The following ZCCHC7 variants were observed in gnomAD, a reference collection of about 807,000 sequenced individuals.
ZCCHC7 encodes the protein zinc finger CCHC-type containing 7.
A neutral mutation model predicts 52.0 loss-of-function variants in ZCCHC7; 35 were observed. That is an observed-to-expected ratio of 0.67 (90% CI 0.51 to 0.89). ZCCHC7 has a LOEUF of 0.89. Among genes scored for constraint, ZCCHC7 ranks in the 40% least tolerant of loss-of-function variants. The pLI, the probability that ZCCHC7 is intolerant of heterozygous loss-of-function variation, is 0.00. For synonymous variants in ZCCHC7, 217 were observed against 221.5 expected, an observed-to-expected ratio of 0.98 and a Z score of 0.18; for missense variants, 574 against 649.1, an observed-to-expected ratio of 0.88 and a Z score of 1.26.
intron 2 of ZCCHC7, among the ~76,000 whole-genome samples, chr9:37,293,339 G>T (rs1828625263): frequency 6.6e-6 from 1 of 152,136 alleles, no homozygotes; most frequent in Non-Finnish European, 1.5e-5. Context: ...AAGGAGTCAG[G>T]AAGTAGACAA....
chr9:37,151,110 G>C (rs554513041), intron 2 of ZCCHC7, among the ~76,000 whole-genome samples: 2 of 151,738 alleles, frequency 1.3e-5, no homozygotes, highest in African/African-American at 4.8e-5. Context: ...GACTACAGGC[G>C]CCTGCCACCA....
chr9:37,350,841 A>T (rs968669729), intron 7 of ZCCHC7, among the ~76,000 whole-genome samples: 2 of 152,364 alleles, frequency 1.3e-5, no homozygotes, highest in Non-Finnish European at 2.9e-5. Context: ...GAAAATTCTT[A>T]AAAAAGAATG....
chr9:37,170,437 G>A (rs1821668420), intron 2 of ZCCHC7, among the ~76,000 whole-genome samples: 1 of 152,186 alleles, frequency 6.6e-6, no homozygotes, highest in Non-Finnish European at 1.5e-5. Flanking sequence ...TTGAAACAGA[G>A]TGTTGAGGAG....
chr9:37,211,973 G>C (rs1188136252), intron 2 of ZCCHC7, among the ~76,000 whole-genome samples: 1 of 134,182 alleles, frequency 7.5e-6, no homozygotes, highest in African/African-American at 2.7e-5. Context: ...CTTGCAGTGA[G>C]CCGAGATGGC....
intron 7 of ZCCHC7, among the ~76,000 whole-genome samples, chr9:37,351,079 G>A (rs1821348319): frequency 6.7e-6 from 1 of 150,228 alleles, no homozygotes; most frequent in Non-Finnish European, 1.5e-5. Flanking sequence ...ACATTGTAGG[G>A]CAACGAAGAA....
At chr9:37,308,353 T>G (rs2133734179) in intron 5 of ZCCHC7, among the ~76,000 whole-genome samples, 1 of 152,266 alleles carries the variant, frequency 6.6e-6, no homozygotes, top group South Asian at 2.1e-4. Flanking sequence ...TGTTTTTTTT[T>G]TACTGTTTTC....
At chr9:37,136,177 G>A (rs1331158062) in intron 2 of ZCCHC7, among the ~76,000 whole-genome samples, 2 of 152,090 alleles carry the variant, frequency 1.3e-5, no homozygotes, top group African/African-American at 2.4e-5. Context: ...ATTAGTGGTT[G>A]TTATTGGGTC....
At chr9:37,151,122 G>A (rs949132775) in intron 2 of ZCCHC7, among the ~76,000 whole-genome samples, 1 of 151,770 alleles carries the variant, frequency 6.6e-6, no homozygotes, top group Non-Finnish European at 1.5e-5. Context: ...CTGCCACCAC[G>A]CCCGGCTAAT....
At chr9:37,268,029 C>G (rs771877673) in intron 2 of ZCCHC7, among the ~76,000 whole-genome samples, 16 of 152,102 alleles carry the variant, frequency 1.1e-4, no homozygotes, top group Non-Finnish European at 2.1e-4. Flanking sequence ...CCTCTGTGAT[C>G]ACATCAACCC....
At chr9:37,193,706 T>G (rs1337181681) in intron 2 of ZCCHC7, among the ~76,000 whole-genome samples, 3 of 152,194 alleles carry the variant, frequency 2.0e-5, no homozygotes, top group Admixed American at 6.5e-5. Context: ...AGCTACCAAT[T>G]AATGCAGTTT....
Position 37,356,971 on chromosome 9 carries a change from AAC to A in ZCCHC7, c.1339_1340del (p.Gln447LysfsTer8), listed in dbSNP as rs768645616. ...ACAGGTGGCCTCAAGAAAATAAAGA[AAC>A]ACAAAAAGAAATGAAGAACAAGAAT... Reference protein sequence around the residue: ...SNRWPQENKETQKEMKNKNRN... With the variant: ...SNRWPQENKEXQKEMKNKNRN... On this transcript the variant is annotated frameshift_variant, in exon 9 of 9. Transcript: ENST00000336755. LOFTEE classifies it low-confidence loss of function (END_TRUNC). 4 of 1,613,696 alleles carry A rather than the reference AAC, an allele frequency of 2.5e-6. No homozygotes were observed. The highest frequency in any genetic ancestry group is 1.3e-5 in the African/African-American group (1 of 74,890).
At chr9:37,137,488 C>G (rs995985494) in intron 2 of ZCCHC7, among the ~76,000 whole-genome samples, 1 of 152,124 alleles carries the variant, frequency 6.6e-6, no homozygotes, top group African/African-American at 2.4e-5. Flanking sequence ...TAGAAGCCAC[C>G]TCTGCCTAAA....
intron 7 of ZCCHC7, among the ~76,000 whole-genome samples, chr9:37,350,121 T>TTG (rs982031353): frequency 1.3e-4 from 18 of 136,072 alleles, no homozygotes; most frequent in African/African-American, 5.3e-4. Context: ...TGGGGTTTGT[T>TTG]TTTTTTTTTT....
chr9:37,306,672 C>T (rs1182879621), intron 5 of ZCCHC7, among the ~76,000 whole-genome samples: 1 of 144,136 alleles, frequency 6.9e-6, no homozygotes, highest in African/African-American at 2.5e-5. Context: ...ACCACGTTGG[C>T]CAGGATGGTC....
chr9:37,206,981 T>C (rs1588480674), intron 2 of ZCCHC7, among the ~76,000 whole-genome samples: 1 of 150,432 alleles, frequency 6.6e-6, no homozygotes, highest in African/African-American at 2.4e-5. Context: ...AAAAAAATCG[T>C]TGGTCATGGT....
chr9:37,299,896 T>C (rs572804289), intron 2 of ZCCHC7, among the ~76,000 whole-genome samples: 2 of 152,354 alleles, frequency 1.3e-5, no homozygotes, highest in South Asian at 2.1e-4. Context: ...TTCATAGGTC[T>C]GCCTATAAGC....
chr9:37,310,957 TTTA>T (rs1829569070), intron 5 of ZCCHC7, among the ~76,000 whole-genome samples: 1 of 138,490 alleles, frequency 7.2e-6, no homozygotes, highest in Admixed American at 7.0e-5. Context: ...ACTCTCTCTT[TTTA>T]AAAAAAAAAA....
chr9:37,319,323 GTCT>G (rs1356240951), intron 5 of ZCCHC7, among the ~76,000 whole-genome samples: 2 of 152,044 alleles, frequency 1.3e-5, no homozygotes, highest in Non-Finnish European at 2.9e-5. Context: ...TCCATAGTTT[GTCT>G]TCTTATTTTC....
chr9:37,186,669 T>C, intron 2 of ZCCHC7: 1 of 577,048 alleles, frequency 1.7e-6, no homozygotes, highest in East Asian at 3.0e-5. Flanking sequence ...AAAATTATAC[T>C]CTTAGAATAT....
Sources: allele counts gnomAD v4.1 joint callset (sites outside exome capture counted in the v4.1 genomes callset), GRCh38; gene constraint gnomAD v4.1.1; transcripts MANE v1.5; gene names NCBI Gene and HGNC (gene_info 2026-07-23, HGNC 2026-07-21).